SAMD15: variants seen among roughly 807,000 people sequenced by gnomAD.
SAMD15 encodes the protein sterile alpha motif domain containing 15, also known as sterile alpha motif domain-containing protein 15.
A neutral mutation model predicts 50.5 loss-of-function variants in SAMD15; 37 were observed. That is an observed-to-expected ratio of 0.73 (90% CI 0.56 to 0.96). The LOEUF (loss-of-function observed/expected upper bound fraction) is 0.96. SAMD15 is among the 40% of genes least tolerant of loss of function. The probability of loss-of-function intolerance (pLI) is 0.00; values close to 1 mark genes in which losing one functional copy is unlikely to be tolerated. For missense variants in SAMD15, 789 were observed against 783.8 expected (o/e 1.01, Z -0.08); for synonymous variants, 255 against 282.8 (o/e 0.90, Z 0.99).
At chr14:77,388,734 G>C (rs143039274) in intron 2 of SAMD15, among the ~76,000 whole-genome samples, 3 of 151,748 alleles carry the variant, frequency 2.0e-5, no homozygotes, top group Non-Finnish European at 4.4e-5. Context: ...TCAACCTCCC[G>C]AGTAGCTGGG....
rs763596509 is a variant in SAMD15 at position 77,377,981 on chromosome 14, C to T, written c.563C>T (p.Thr188Ile). The T allele has an allele frequency of 2.8e-5, 45 of 1,613,886 alleles. No homozygotes were observed. The highest frequency in any genetic ancestry group is 3.5e-5 in the Non-Finnish European group (41 of 1,180,012). ...ERNLELLEEE[T>I]EPGVPEESLR... ...AATTTAGAATTACTAGAGGAGGAGACTGAACCGGGGGTTCCAGAGGAATCA... is the reference window on the plus strand; with the variant it reads ...AATTTAGAATTACTAGAGGAGGAGATTGAACCGGGGGTTCCAGAGGAATCA... Residue 188 changes from threonine to isoleucine, a missense_variant, in exon 1 of 3, where the codon ACT (threonine) becomes ATT (isoleucine). Around this residue, in one of 2 missense-constraint regions of SAMD15, gnomAD observed 770 missense variants for 745.4 expected, o/e 1.03. Transcript: ENST00000216471.
intron 2 of SAMD15, among the ~76,000 whole-genome samples, chr14:77,381,150 C>A (rs1893938735): frequency 6.6e-6 from 1 of 152,178 alleles, no homozygotes; most frequent in Non-Finnish European, 1.5e-5. Context: ...AGCCCCCATC[C>A]CAAGTTCTCA....
rs762473441 is a variant in SAMD15 at position 77,377,808 on chromosome 14, TAA to T, written c.392_393del (p.Lys131ArgfsTer11). ...DLEAPMDETHKESDLEPPEEA... is the reference protein window; with the variant it reads ...DLEAPMDETHXESDLEPPEEA... ...TGGAGGCCCCTATGGATGAAACGCA[TAA>T]AGAGTCAGACCTAGAGCCACCAGAG... On this transcript the variant is annotated frameshift_variant, in exon 1 of 3. Transcript: ENST00000216471. LOFTEE classifies it high-confidence loss of function. 5.6e-6 allele frequency: 9 copies of T among 1,614,066 alleles called. No individual in the cohort carries two copies. The highest frequency in any genetic ancestry group is 3.3e-4 in the Middle Eastern group (2 of 6,062).
intron 2 of SAMD15, among the ~76,000 whole-genome samples, chr14:77,388,795 GAC>G (rs1270749539): frequency 4.6e-5 from 7 of 152,014 alleles, no homozygotes; most frequent in Non-Finnish European, 1.0e-4. Flanking sequence ...TTTTAGTAGA[GAC>G]AGGATTTTGC....
chr14:77,380,179 C>T (rs547084469), intron 1 of SAMD15, among the ~76,000 whole-genome samples: 5 of 152,212 alleles, frequency 3.3e-5, no homozygotes, highest in African/African-American at 7.2e-5. Context: ...TCCAGGAGTT[C>T]GAGGCTGCAG....
Position 77,378,534 on chromosome 14 carries a change from T to G in SAMD15, c.1116T>G (p.Asn372Lys). 3 of 1,612,866 alleles carry G rather than the reference T, an allele frequency of 1.9e-6. No individual in the cohort carries two copies. Among genetic ancestry groups the G allele is most frequent in the Non-Finnish European group, 2.5e-6 (3 of 1,179,738 alleles). Residue 372 changes from asparagine to lysine, a missense_variant, in exon 1 of 3, where the codon AAT (asparagine) becomes AAG (lysine). Asn to Lys is a moderately conservative substitution (Grantham distance 94). Transcript: ENST00000216471. ...TAAGAAAGTCAAATGAGAAAAAAAA[T>G]CCACAGCCACCAGAGGAGACTGGTC... ...EEIRKSNEKK[N>K]PQPPEETGPV... is the part of the protein sequence containing the mutation.
rs367989546 is a variant in SAMD15 at position 77,377,892 on chromosome 14, T to A, written c.474T>A (p.Asp158Glu). ...DVFLESAMET[D>E]PDPVPPTETM... ...TCCTAGAGTCAGCTATGGAAACAGA[T>A]CCAGATCCAGTGCCACCAACGGAAA... The change falls in exon 1 of 3, where the codon GAT (aspartate) becomes GAA (glutamate). Residue 158 changes from aspartate to glutamate, a missense_variant. By Grantham distance (45) the Asp-to-Glu change is conservative. This residue lies in a region of SAMD15 where 770 missense variants were observed against 745.4 expected (regional missense o/e 1.03). Transcript: ENST00000216471. 7 of 1,613,754 alleles carry A rather than the reference T, an allele frequency of 4.3e-6. No individual in the cohort carries two copies. In the African/African-American group the frequency reaches 9.4e-5, roughly 22 times the overall value.
Position 77,379,037 on chromosome 14 carries a change from T to C in SAMD15, c.1619T>C (p.Phe540Ser), listed in dbSNP as rs1324569920. The C allele has an allele frequency of 6.2e-7, 1 of 1,613,984 alleles. No individual in the cohort carries two copies. Among genetic ancestry groups the C allele is most frequent in the Non-Finnish European group, 8.5e-7 (1 of 1,179,954 alleles). The change falls in exon 1 of 3, where the codon TTT (phenylalanine) becomes TCT (serine). Residue 540 changes from phenylalanine to serine, a missense_variant. Around this residue, in one of 2 missense-constraint regions of SAMD15, gnomAD observed 770 missense variants for 745.4 expected, o/e 1.03. Transcript: ENST00000216471. Reference protein sequence around the residue: ...TQPEKGTELQFEHLNWDPEEV... With the variant: ...TQPEKGTELQSEHLNWDPEEV... ...CCAGAAAAAGGGACTGAGTTACAAT[T>C]TGAGCATCTTAATTGGGATCCAGAG...
rs1266842899 is a variant in SAMD15 at position 77,379,021 on chromosome 14, G to A, written c.1603G>A (p.Gly535Arg). The change falls in exon 1 of 3, where the codon GGG becomes AGG. Residue 535 changes from glycine to arginine, a missense_variant. Around this residue, in one of 2 missense-constraint regions of SAMD15, gnomAD observed 770 missense variants for 745.4 expected, o/e 1.03. Transcript: ENST00000216471. ...SEDDETQPEK[G>R]TELQFEHLNW... Reference sequence around the variant, plus strand: ...AGATGACGAAACCCAGCCAGAAAAAGGGACTGAGTTACAATTTGAGCATCT... The same window carrying A: ...AGATGACGAAACCCAGCCAGAAAAAAGGACTGAGTTACAATTTGAGCATCT... 1 of 1,614,176 alleles carries A rather than the reference G, an allele frequency of 6.2e-7. No homozygotes were observed. Among genetic ancestry groups the A allele is most frequent in the East Asian group, 2.2e-5 (1 of 44,878 alleles).
rs1894081005 is a variant in SAMD15 at position 77,392,064 on chromosome 14, A to G, written c.*820A>G. ...GTGAGACTCTGTCTAAAACAAACAA[A>G]CAAAACAAAGCAAAACAAAATTCCT... On this transcript the variant is annotated 3_prime_UTR_variant, in exon 3 of 3. Transcript: ENST00000216471. 6.6e-6 allele frequency among the ~76,000 whole-genome samples: 1 copy of G among 151,992 alleles called. No homozygotes were observed.
chr14:77,382,750 C>T (rs1320104200), intron 2 of SAMD15, among the ~76,000 whole-genome samples: 1 of 152,122 alleles, frequency 6.6e-6, no homozygotes, highest in Non-Finnish European at 1.5e-5. Context: ...GAGTCTTGCT[C>T]TGTCACCCAG....
At chr14:77,387,606 CT>C (rs938615884) in intron 2 of SAMD15, among the ~76,000 whole-genome samples, 46 of 151,930 alleles carry the variant, frequency 3.0e-4, no homozygotes, top group African/African-American at 1.1e-3. Context: ...TAATGAATTG[CT>C]TTTTTTATGA....
intron 2 of SAMD15, among the ~76,000 whole-genome samples, chr14:77,384,730 C>G (rs1014879293): frequency 3.3e-5 from 5 of 152,112 alleles, no homozygotes; most frequent in African/African-American, 1.2e-4. Context: ...ATTTAGAAAC[C>G]AAGACGTGGA....
Position 77,378,192 on chromosome 14 carries a change from GCAGGCTAGA to G in SAMD15, c.776_784del (p.Gln259_Arg261del), listed in dbSNP as rs749328846. The G allele has an allele frequency of 9.3e-6, 15 of 1,613,958 alleles. No individual in the cohort carries two copies. The East Asian group carries it at 3.1e-4, about 34-fold the overall frequency. Reference sequence around the variant, plus strand: ...AGAAGAAAAGGACAGAGCCACCCGAGCAGGCTAGACTGGAATTTCTGGAGAAGGAACCAA... The same window carrying G: ...AGAAGAAAAGGACAGAGCCACCCGAGCTGGAATTTCTGGAGAAGGAACCAA... On this transcript the variant is annotated inframe_deletion, in exon 1 of 3. Coordinates refer to ENST00000216471, the MANE Select transcript of SAMD15 (RefSeq NM_001010860.4).
At chr14:77,389,896 T>G (rs189749292) in intron 2 of SAMD15, among the ~76,000 whole-genome samples, 1 of 152,326 alleles carries the variant, frequency 6.6e-6, no homozygotes, top group East Asian at 1.9e-4. Context: ...CAAAAGATAT[T>G]TTAGAATACA....
At chr14:77,383,744 AG>A (rs1893972108) in intron 2 of SAMD15, among the ~76,000 whole-genome samples, 1 of 152,162 alleles carries the variant, frequency 6.6e-6, no homozygotes, top group African/African-American at 2.4e-5. Context: ...AGGCCAAGGC[AG>A]GTGGATCACC....
At position 77,378,009 on chromosome 14, in the gene SAMD15, T is replaced by TA. The variant is rs781470504; in HGVS notation, c.592dup (p.Arg198LysfsTer5). ...AACCGGGGGTTCCAGAGGAATCACT[T>TA]AGAGTGCAACATGAAGAGACAGGTC... On this transcript the variant is annotated frameshift_variant, in exon 1 of 3. Coordinates refer to ENST00000216471, the MANE Select transcript of SAMD15 (RefSeq NM_001010860.4). LOFTEE classifies it high-confidence loss of function. 6.8e-6 allele frequency: 11 copies of TA among 1,613,694 alleles called. No individual in the cohort carries two copies. The Admixed American group carries it at 1.3e-4, about 20-fold the overall frequency.
In SAMD15 at chr14:77,378,171, G is replaced by C. The variant is rs139921974; in HGVS notation, c.753G>C (p.Lys251Asn). ...PEETQRESTE[K>N]KRTEPPEQAR... ...AGACACAAAGAGAGTCAACTGAGAA[G>C]AAAAGGACAGAGCCACCCGAGCAGG... is the stretch of plus-strand genomic sequence containing the variant. The change falls in exon 1 of 3, where the codon AAG becomes AAC. Residue 251 changes from lysine (K) to asparagine (N), a missense_variant. Around this residue, in one of 2 missense-constraint regions of SAMD15, gnomAD observed 770 missense variants for 745.4 expected, o/e 1.03. Coordinates refer to ENST00000216471, the MANE Select transcript of SAMD15 (RefSeq NM_001010860.4). The C allele has an allele frequency of 6.2e-7, 1 of 1,613,448 alleles. No homozygotes were observed. Among genetic ancestry groups the C allele is most frequent in the African/African-American group, 1.3e-5 (1 of 74,868 alleles).
chr14:77,378,196 G>T lies in SAMD15; in HGVS notation c.778G>T (p.Ala260Ser), dbSNP rs373063863. ...EKKRTEPPEQARLEFLEKEPR... is the reference protein window; with the variant it reads ...EKKRTEPPEQSRLEFLEKEPR... ...GAAAAGGACAGAGCCACCCGAGCAGGCTAGACTGGAATTTCTGGAGAAGGA... is the reference window on the plus strand; with the variant it reads ...GAAAAGGACAGAGCCACCCGAGCAGTCTAGACTGGAATTTCTGGAGAAGGA... Residue 260 changes from alanine to serine, a missense_variant, in exon 1 of 3, where the codon GCT becomes TCT. Physicochemically the swap from Ala to Ser is moderately conservative, Grantham distance 99 (BLOSUM62 1). Coordinates refer to ENST00000216471, the MANE Select transcript of SAMD15 (RefSeq NM_001010860.4). 6.2e-7 allele frequency: 1 copy of T among 1,613,994 alleles called. No homozygotes were observed. Among genetic ancestry groups the T allele is most frequent in the South Asian group, 1.1e-5 (1 of 91,084 alleles).
Sources: gnomAD v4.1 joint callset for allele counts (sites outside exome capture counted in the v4.1 genomes callset) on GRCh38, gnomAD v4.1.1 for gene constraint, gnomAD v4.1.1 regional missense constraint, MANE v1.5 for transcripts, NCBI Gene and HGNC (gene_info 2026-07-23, HGNC 2026-07-21) for gene names.